Variants in AHCY observed in about 807,000 individuals in gnomAD.
AHCY encodes the protein adenosylhomocysteinase, also known as S-adenosyl-L-homocysteine hydrolase.
In AHCY, 24 loss-of-function variants were observed where a neutral mutation model predicts 45.4. The observed-to-expected ratio is 0.53, with a 90% CI of 0.38 to 0.74. AHCY has a LOEUF of 0.74. Among genes scored for constraint, AHCY ranks in the 30% least tolerant of loss-of-function variants. AHCY has a pLI of 0.00. For missense variants in AHCY, 449 were observed against 594.1 expected (o/e 0.76, Z 2.54); for synonymous variants, 245 against 235.1 (o/e 1.04, Z -0.39).
At chr20:34,266,765 T>C in the AHCY span, among the ~76,000 whole-genome samples, 7 of 152,202 alleles carry the variant, frequency 4.6e-5, no homozygotes, top group African/African-American at 1.2e-4. Flanking sequence ...CCTTTCAAGT[T>C]GAAAAAGATT....
intron 3 of AHCY, chr20:34,293,415 C>T (rs1158534354): frequency 3.1e-5 from 5 of 159,594 alleles, no homozygotes; most frequent in African/African-American, 9.7e-5. Flanking sequence ...GAGCCAAGAT[C>T]GCACCACTGC....
rs142689206 is a variant in AHCY, at chr20:34,281,072, A to G, written c.1261T>C (p.Cys421Arg). The change falls in exon 10 of 10, where the codon TGT becomes CGT. Residue 421 changes from cysteine (C) to arginine (R), a missense_variant. By Grantham distance (180) the Cys-to-Arg change is radical. Coordinates refer to ENST00000217426, the MANE Select transcript of AHCY (RefSeq NM_000687.4). ...TGATCCGGCTTGAAGGGGCCATCAC[A>G]GGACATGCCCAGGTACTGGGCTTGC... ...EKQAQYLGMS[C>R]DGPFKPDHYR... 178 of 1,614,078 alleles carry G rather than the reference A, an allele frequency of 1.1e-4. No homozygotes were observed. In the African/African-American group the frequency reaches 2.0e-3, roughly 18 times the overall value.
the AHCY span, among the ~76,000 whole-genome samples, chr20:34,235,899 A>AAGG: frequency 7.0e-4 from 45 of 64,608 alleles, 5 homozygotes; most frequent in Middle Eastern, 0.014. Context: ...GGAAGGAAGG[A>AAGG]AAGGAAGGAA....
At chr20:34,286,585 C>A (rs1285306239) in intron 8 of AHCY, 1 of 152,268 alleles carries the variant, frequency 6.6e-6, no homozygotes, top group Non-Finnish European at 1.5e-5. Flanking sequence ...GTAATCCCAG[C>A]ACTTTGGGAG....
At chr20:34,298,168 C>T (rs2036633511) in intron 1 of AHCY, among the ~76,000 whole-genome samples, 1 of 151,840 alleles carries the variant, frequency 6.6e-6, no homozygotes, top group South Asian at 2.1e-4. Flanking sequence ...GATGAGCTGT[C>T]CTGTGGGCGG....
the AHCY span, chr20:34,263,009 A>G: frequency 8.4e-7 from 1 of 1,186,852 alleles, no homozygotes; most frequent in South Asian, 1.5e-5. Context: ...GCCTATATTA[A>G]CAAAAGAAAC....
the AHCY span, among the ~76,000 whole-genome samples, chr20:34,247,300 CTTTTT>C: frequency 1.7e-5 from 2 of 120,672 alleles, no homozygotes; most frequent in Non-Finnish European, 3.5e-5. Flanking sequence ...TTATATGATG[CTTTTT>C]TTTTTTTTTT....
chr20:34,300,916 T>C (rs2036748867), intron 1 of AHCY, among the ~76,000 whole-genome samples: 1 of 152,208 alleles, frequency 6.6e-6, no homozygotes, highest in Non-Finnish European at 1.5e-5. Context: ...TCTGTATGCA[T>C]GTCTGTGCCA....
the AHCY span, among the ~76,000 whole-genome samples, chr20:34,244,699 C>T: frequency 6.6e-6 from 1 of 152,148 alleles, no homozygotes; most frequent in African/African-American, 2.4e-5. Context: ...CTTCTAATGT[C>T]AAAGAAGTGG....
chr20:34,281,672 A>G (rs2036006171), intron 9 of AHCY: 1 of 201,680 alleles, frequency 5.0e-6, no homozygotes, highest in African/African-American at 2.3e-5. Context: ...ATCCGAGAAT[A>G]AAGTTCTTTT....
downstream of AHCY, among the ~76,000 whole-genome samples, chr20:34,277,989 C>A (rs1453086965): frequency 6.6e-6 from 1 of 152,168 alleles, no homozygotes; most frequent in African/African-American, 2.4e-5. Context: ...AAAAATCCAA[C>A]CAGGGCTAGG....
At chr20:34,299,157 A>C (rs1283468710) in intron 1 of AHCY, among the ~76,000 whole-genome samples, 1 of 151,978 alleles carries the variant, frequency 6.6e-6, no homozygotes, top group East Asian at 1.9e-4. Context: ...GTCGCCGCAC[A>C]CAGGGAGAGA....
the AHCY span, among the ~76,000 whole-genome samples, chr20:34,266,683 A>G: frequency 2.0e-5 from 3 of 152,210 alleles, no homozygotes; most frequent in South Asian, 6.2e-4. Flanking sequence ...AAAAACAAAC[A>G]AACAAACAAA....
chr20:34,278,030 C>T (rs1349280424), downstream of AHCY, among the ~76,000 whole-genome samples: 1 of 152,196 alleles, frequency 6.6e-6, no homozygotes. Flanking sequence ...TGGCCAATTC[C>T]TTCTTTCTCC....
In AHCY at chr20:34,295,836, A is replaced by G. The variant is rs115531003; in HGVS notation, c.29-251T>C. On this transcript the variant is annotated intron_variant, in intron 1 of 9. Transcript: ENST00000217426. The stretch of plus-strand genomic sequence containing the variant: ...TTAATCACACAGGGACACAAAAATT[A>G]CAACATAAAGAAGCGTCCCTTTGAA... 8.7e-3 allele frequency among the ~76,000 whole-genome samples: 1,329 copies of G among 152,288 alleles called. 22 individuals are homozygous for G. Among genetic ancestry groups the G allele is most frequent in the African/African-American group, 0.03 (1,266 of 41,560 alleles).
At chr20:34,309,498 T>G (rs990939558) in intron 1 of AHCY, among the ~76,000 whole-genome samples, 1 of 152,074 alleles carries the variant, frequency 6.6e-6, no homozygotes, top group African/African-American at 2.4e-5. Flanking sequence ...CAAGACCTCC[T>G]CTCTTAAAAT....
chr20:34,258,745 C>G, the AHCY span, among the ~76,000 whole-genome samples: 1 of 57,404 alleles, frequency 1.7e-5, no homozygotes, highest in East Asian at 4.8e-4. Flanking sequence ...TATATATATA[C>G]TATATATAAT....
chr20:34,233,102 C>CAT, the AHCY span, among the ~76,000 whole-genome samples: 5 of 146,928 alleles, frequency 3.4e-5, no homozygotes, highest in African/African-American at 1.3e-4. Flanking sequence ...CTCACACCAA[C>CAT]ATTTTTCATC....
At chr20:34,257,809 C>T in the AHCY span, among the ~76,000 whole-genome samples, 1 of 152,108 alleles carries the variant, frequency 6.6e-6, no homozygotes, top group Admixed American at 6.6e-5. Flanking sequence ...ATATTATTGG[C>T]ACATTAGCCT....
Sources: allele counts gnomAD v4.1 joint callset (sites outside exome capture counted in the v4.1 genomes callset), GRCh38; gene constraint gnomAD v4.1.1; transcripts MANE v1.5; gene names NCBI Gene and HGNC (gene_info 2026-07-23, HGNC 2026-07-21).